Variants in ZBTB48 observed in about 807,000 individuals in gnomAD.
ZBTB48 encodes the protein zinc finger and BTB domain-containing protein 48.
A neutral mutation model predicts 64.5 loss-of-function variants in ZBTB48; 35 were observed. That is an observed-to-expected ratio of 0.54 (90% CI 0.41 to 0.72). ZBTB48 has a LOEUF of 0.72. Among genes scored for constraint, ZBTB48 ranks in the 30% least tolerant of loss-of-function variants. ZBTB48 has a pLI of 0.00. For missense variants in ZBTB48, 828 were observed against 895.3 expected, an observed-to-expected ratio of 0.92 and a Z score of 0.96; for synonymous variants, 442 against 356.7, an observed-to-expected ratio of 1.24 and a Z score of -2.70.
In ZBTB48 at chr1:6,580,702, C is replaced by T; in HGVS notation, c.93C>T (p.Asp31=). 1 of 1,614,138 alleles carries T rather than the reference C, an allele frequency of 6.2e-7. No homozygotes were observed. The highest frequency in any genetic ancestry group is 8.5e-7 in the Non-Finnish European group (1 of 1,180,026). ...EKGQYCDATL[D]VGGLVFKAHW... ...GCCAGTACTGCGACGCCACTCTGGA[C>T]GTGGGGGGCCTGGTGTTTAAGGCAC... The change falls in exon 2 of 11, where the codon GAC becomes GAT. Residue 31 remains aspartate, a synonymous_variant. Coordinates refer to ENST00000377674, the MANE Select transcript of ZBTB48 (RefSeq NM_005341.4). The surrounding 1 kb of genome is among the most constrained non-coding windows in gnomAD (Gnocchi z 5.2).
chr1:6,582,806 A>G (rs1266365309), intron 3 of ZBTB48, among the ~76,000 whole-genome samples: 1 of 152,206 alleles, frequency 6.6e-6, no homozygotes, highest in African/African-American at 2.4e-5. Context: ...CCAATAAAGT[A>G]ACCAGGAACT....
chr1:6,587,654 T>G (rs1640723943), intron 7 of ZBTB48, 22 bp downstream of exon 7: 1 of 1,611,076 alleles, frequency 6.2e-7, no homozygotes, highest in African/African-American at 1.3e-5. Context: ...CCGTTCTCTC[T>G]TGGGGCCCAG....
rs1384159698 is a variant in ZBTB48, at chr1:6,585,938, C to CT, written c.952_953insT (p.Pro318LeufsTer3). 1.9e-6 allele frequency: 3 copies of CT among 1,613,912 alleles called. No individual in the cohort carries two copies. The highest frequency in any genetic ancestry group is 2.5e-6 in the Non-Finnish European group (3 of 1,179,972). ...TGGCAGGAAACATACTGGGGAGAAA[C>CT]CCTTTGAGTGTCCCAAATGTGGGAA... On this transcript the variant is annotated frameshift_variant, in exon 4 of 11. Coordinates refer to ENST00000377674, the MANE Select transcript of ZBTB48 (RefSeq NM_005341.4). LOFTEE classifies it high-confidence loss of function.
In ZBTB48 at chr1:6,588,185, T is replaced by C; in HGVS notation, c.1505T>C (p.Phe502Ser). The C allele has an allele frequency of 6.2e-7, 1 of 1,613,998 alleles. No individual in the cohort carries two copies. Among genetic ancestry groups the C allele is most frequent in the Non-Finnish European group, 8.5e-7 (1 of 1,180,012 alleles). Residue 502 changes from phenylalanine to serine, a missense_variant, in exon 8 of 11, where the codon TTC (phenylalanine) becomes TCC (serine). Physicochemically the swap from Phe to Ser is radical, Grantham distance 155. Coordinates refer to ENST00000377674, the MANE Select transcript of ZBTB48 (RefSeq NM_005341.4). ...PFQCHLCGKT[F>S]RTQASLDKHN... is the part of the protein sequence containing the mutation. ...CAGTGCCACCTCTGTGGCAAGACCT[T>C]CCGAACCCAAGGTGAGGTACGCCCT...
rs371165121 is a variant in ZBTB48, at chr1:6,582,153, A to G, written c.786A>G (p.Arg262=). ...VLTRRKSNVI[R]KPCAAEPALS... is the part of the protein sequence containing the mutation. ...CCAGGAGGAAGTCAAATGTAATCCGAAAGCCCTGTGCAGCTGAGCCAGCCC... is the reference window on the plus strand; with the variant it reads ...CCAGGAGGAAGTCAAATGTAATCCGGAAGCCCTGTGCAGCTGAGCCAGCCC... The change falls in exon 3 of 11, where the codon CGA becomes CGG. Residue 262 remains arginine, a synonymous_variant. Coordinates refer to ENST00000377674, the MANE Select transcript of ZBTB48 (RefSeq NM_005341.4). The G allele has an allele frequency of 6.2e-7, 1 of 1,614,086 alleles. No homozygotes were observed. The highest frequency in any genetic ancestry group is 1.3e-5 in the African/African-American group (1 of 74,940).
In ZBTB48 at chr1:6,580,720, T is replaced by C. The variant is rs766430547; in HGVS notation, c.111T>C (p.Phe37=). 1.2e-6 allele frequency: 2 copies of C among 1,614,138 alleles called. No individual in the cohort carries two copies. Among genetic ancestry groups the C allele is most frequent in the South Asian group, 1.1e-5 (1 of 91,086 alleles). ...DATLDVGGLV[F]KAHWSVLACC... is the part of the protein sequence containing the mutation. ...CTCTGGACGTGGGGGGCCTGGTGTT[T>C]AAGGCACACTGGAGTGTCCTTGCCT... The change falls in exon 2 of 11, where the codon TTT becomes TTC. Residue 37 remains phenylalanine (F), a synonymous_variant. Transcript: ENST00000377674. The surrounding 1 kb of genome is among the most constrained non-coding windows in gnomAD (Gnocchi z 5.2).
intron 2 of ZBTB48, 132 bp from the exon 3 acceptor site, chr1:6,581,926 C>T (rs970649956): frequency 3.0e-6 from 4 of 1,349,592 alleles, no homozygotes; most frequent in South Asian, 1.4e-5. Flanking sequence ...CTGCCTTGGG[C>T]CCCTGAAGGA....
chr1:6,580,328 A>T lies in ZBTB48; in HGVS notation c.-70+192A>T, dbSNP rs1357895074. On this transcript the variant is annotated intron_variant, in intron 1 of 10. Transcript: ENST00000377674. The surrounding 1 kb of genome is among the most constrained non-coding windows in gnomAD (Gnocchi z 5.2). Reference sequence around the variant, plus strand: ...TCTCATCCCATGTCTCCTTTCCCCAAACTTGGATTTTTCTCACCAGGCCCT... The same window carrying T: ...TCTCATCCCATGTCTCCTTTCCCCATACTTGGATTTTTCTCACCAGGCCCT... 1.3e-5 allele frequency among the ~76,000 whole-genome samples: 2 copies of T among 151,870 alleles called. No homozygotes were observed. The highest frequency in any genetic ancestry group is 1.3e-4 in the Admixed American group (2 of 15,270).
Position 6,588,967 on chromosome 1 carries a change from C to G in ZBTB48, c.1822C>G (p.Pro608Ala), listed in dbSNP as rs1465804953. 4 of 1,603,504 alleles carry G rather than the reference C, an allele frequency of 2.5e-6. No individual in the cohort carries two copies. The part of the protein sequence containing the change: ...EIHDRVENYN[P>A]RQRKLRNLII... ...CCACGACCGGGTAGAGAACTACAAC[C>G]CGCGGCAGCGCAAGCTCCGCAACCT... The change falls in exon 11 of 11, where the codon CCG (proline) becomes GCG (alanine). Residue 608 changes from proline to alanine, a missense_variant. Pro to Ala is a conservative substitution (Grantham distance 27, BLOSUM62 -1). Transcript: ENST00000377674.
In ZBTB48 at chr1:6,588,956, A is replaced by G; in HGVS notation, c.1811A>G (p.Glu604Gly). 1.9e-6 allele frequency: 3 copies of G among 1,608,676 alleles called. No homozygotes were observed. Among genetic ancestry groups the G allele is most frequent in the Admixed American group, 1.7e-5 (1 of 59,594 alleles). The stretch of plus-strand genomic sequence containing the variant: ...CACATGGAGATCCACGACCGGGTAG[A>G]GAACTACAACCCGCGGCAGCGCAAG... ...RRHMEIHDRV[E>G]NYNPRQRKLR... is the part of the protein sequence containing the mutation. The change falls in exon 11 of 11, where the codon GAG (glutamate) becomes GGG (glycine). Residue 604 changes from glutamate (E) to glycine (G), a missense_variant. Glu to Gly is a moderately conservative substitution (Grantham distance 98). Transcript: ENST00000377674.
chr1:6,580,472 A>C lies in ZBTB48; in HGVS notation c.-69-69A>C, dbSNP rs1640400533. The C allele has an allele frequency of 1.1e-6, 1 of 909,448 alleles. No homozygotes were observed. The highest frequency in any genetic ancestry group is 1.8e-5 in the South Asian group (1 of 57,024). 56.3% of individuals were successfully genotyped at this position (909,448 alleles called of 1,614,324 possible). A position where few individuals can be genotyped will look rare whatever the true frequency, so the allele number is the denominator to read the frequency against. ...CGCGTGCACCCCTCACCCTGACCCA[A>C]GCCCTCGTGCTGATAAATATGATTA... On this transcript the variant is annotated intron_variant, in intron 1 of 10. Transcript: ENST00000377674. This position sits in a 1 kb window ranked among gnomAD's most constrained non-coding sequence, Gnocchi z 5.2.
Position 6,584,733 on chromosome 1 carries a change from C to G in ZBTB48, c.933-1186C>G, listed in dbSNP as rs763513637. ...TGGGCTTCAGCTTGCTGGACTGGCC[C>G]TGAGAACTGGGAGGGGATGGCTTCA... is the stretch of plus-strand genomic sequence containing the variant. On this transcript the variant is annotated intron_variant, in intron 3 of 10. Transcript: ENST00000377674. This position sits in a 1 kb window ranked among gnomAD's most constrained non-coding sequence, Gnocchi z 4.5. 6.6e-6 allele frequency among the ~76,000 whole-genome samples: 1 copy of G among 152,158 alleles called. No individual in the cohort carries two copies. The highest frequency in any genetic ancestry group is 1.5e-5 in the Non-Finnish European group (1 of 68,034).
At chr1:6,586,635 C>G (rs1218184719) in intron 4 of ZBTB48, 60 bp from the exon 5 acceptor site, 30 of 1,468,490 alleles carry the variant, frequency 2.0e-5, no homozygotes, top group Non-Finnish European at 2.5e-5. Context: ...CGGGCAGAGG[C>G]TGCTGTCATA....
At chr1:6,587,737 C>T in intron 7 of ZBTB48, 105 bp downstream of exon 7, 1 of 1,511,152 alleles carries the variant, frequency 6.6e-7, no homozygotes, top group Non-Finnish European at 8.8e-7. Context: ...TGAGTGTGCC[C>T]TTGGCCTCCA....
At position 6,588,330 on chromosome 1, in the gene ZBTB48, C is replaced by T. The variant is rs200129640; in HGVS notation, c.1569C>T (p.Cys523=). Residue 523 remains cysteine (C), a synonymous_variant, in exon 9 of 11, where the codon TGC becomes TGT. Transcript: ENST00000377674. ...ACACCGGGGAAAGGCCCTTCAGTTG[C>T]GAGTTCTGTGAACAGCGCTTCACTG... ...RTHTGERPFS[C]EFCEQRFTEK... 2.7e-5 allele frequency: 43 copies of T among 1,608,182 alleles called. No homozygotes were observed. In the East Asian group the frequency reaches 4.2e-4, roughly 16 times the overall value.
At chr1:6,586,899 GCCTGCCTTC>G (rs3833475) in intron 5 of ZBTB48, 112 bp downstream of exon 5, 680,783 of 1,047,896 alleles carry the variant, frequency 0.65, 233,477 homozygotes, top group Middle Eastern at 0.76. Context: ...CTGTCAGGGA[GCCTGCCTTC>G]CCTGCCTTCC....
At position 6,587,216 on chromosome 1, in the gene ZBTB48, C is replaced by T; in HGVS notation, c.1149C>T (p.Cys383=). The change falls in exon 6 of 11, where the codon TGC becomes TGT. Residue 383 remains cysteine (C), a synonymous_variant. Coordinates refer to ENST00000377674, the MANE Select transcript of ZBTB48 (RefSeq NM_005341.4). ...TGEMPYKCSS[C]SQQFMQKKDL... is the part of the protein sequence containing the mutation. ...GGCCTCTTTTTCAGTGTTCCTCCTG[C>T]TCCCAGCAGTTCATGCAGAAGAAGG... is the stretch of plus-strand genomic sequence containing the variant. 1 of 1,614,008 alleles carries T rather than the reference C, an allele frequency of 6.2e-7. No individual in the cohort carries two copies. Among genetic ancestry groups the T allele is most frequent in the Non-Finnish European group, 8.5e-7 (1 of 1,180,024 alleles).
chr1:6,581,344 A>G, intron 2 of ZBTB48, 45 bp downstream of exon 2: 1 of 1,521,906 alleles, frequency 6.6e-7, no homozygotes, highest in Non-Finnish European at 8.8e-7. Flanking sequence ...AATAGAGGGA[A>G]TAGACACTTT....
Position 6,581,262 on chromosome 1 carries a change from A to G in ZBTB48, c.653A>G (p.Glu218Gly), listed in dbSNP as rs748251962. 1.9e-6 allele frequency: 3 copies of G among 1,609,574 alleles called. No individual in the cohort carries two copies. In the South Asian group the frequency reaches 3.3e-5, roughly 18 times the overall value. Residue 218 changes from glutamate (E) to glycine (G), a missense_variant, in exon 2 of 11, where the codon GAG becomes GGG. Physicochemically the swap from Glu to Gly is moderately conservative, Grantham distance 98. Transcript: ENST00000377674. ...TGCAAAGTGCCCCCAAGGCCCTTAG[A>G]GGCTGAAGGTGCCCAGCTGCAGGGC... ...EDCKVPPRPL[E>G]AEGAQLQGGS...
Sources: gnomAD v4.1 joint callset for allele counts (sites outside exome capture counted in the v4.1 genomes callset) on GRCh38, gnomAD v4.1.1 for gene constraint, Gnocchi (gnomAD v3.1) non-coding constraint, MANE v1.5 for transcripts, NCBI Gene and HGNC (gene_info 2026-07-23, HGNC 2026-07-21) for gene names.